Variants in MACROD1 observed in about 807,000 individuals in gnomAD.
MACROD1 encodes the protein mono-ADP ribosylhydrolase 1.
MACROD1 carries 31 observed loss-of-function variants against 41.4 expected under a neutral mutation model. The observed-to-expected ratio is 0.75, with a 90% confidence interval of 0.56 to 1.01. MACROD1 has a LOEUF of 1.01. Among genes scored for constraint, MACROD1 ranks in the 50% least tolerant of loss-of-function variants. The probability of loss-of-function intolerance (pLI) is 0.00; values close to 1 mark genes in which losing one functional copy is unlikely to be tolerated. For synonymous variants in MACROD1, 252 were observed against 203.4 expected, an observed-to-expected ratio of 1.24 and a Z score of -2.03; for missense variants, 473 against 460.0, an observed-to-expected ratio of 1.03 and a Z score of -0.26.
chr11:64,091,139 T>G (rs1423240144), intron 3 of MACROD1, among the ~76,000 whole-genome samples: 22 of 64,062 alleles, frequency 3.4e-4, no homozygotes, highest in African/African-American at 7.0e-4. Flanking sequence ...GGAGGGGGCA[T>G]GGGAGGAGGA....
chr11:64,018,670 C>T (rs1301627256), intron 3 of MACROD1, among the ~76,000 whole-genome samples: 1 of 152,198 alleles, frequency 6.6e-6, no homozygotes, highest in Non-Finnish European at 1.5e-5. Context: ...CCTCTAAGTC[C>T]CCTCTCTACT....
intron 4 of MACROD1, among the ~76,000 whole-genome samples, chr11:64,005,324 G>A (rs142719558): frequency 2.6e-5 from 4 of 152,330 alleles, no homozygotes; most frequent in East Asian, 1.9e-4. Flanking sequence ...CACCGCGCCC[G>A]GCCAAGACCC....
At chr11:64,084,092 C>G (rs1944350472) in intron 3 of MACROD1, among the ~76,000 whole-genome samples, 1 of 152,206 alleles carries the variant, frequency 6.6e-6, no homozygotes, top group Non-Finnish European at 1.5e-5. Context: ...ATCCTGCACA[C>G]GGGCCTGTGT....
At chr11:64,127,910 AC>A (rs1176549916) in intron 3 of MACROD1, among the ~76,000 whole-genome samples, 1 of 152,228 alleles carries the variant, frequency 6.6e-6, no homozygotes, top group Non-Finnish European at 1.5e-5. Flanking sequence ...ACAGGAAGGA[AC>A]AAAATTTCCA....
chr11:64,122,084 G>A lies in MACROD1; in HGVS notation c.517+29155C>T, dbSNP rs184583233. ...GGCCTCTTGTAAGCTCAGCTCAGGC[G>A]TGGGGCCCAATGTATGGAATGCTTA... On this transcript the variant is annotated intron_variant, in intron 3 of 10. Transcript: ENST00000255681. This position sits in a 1 kb window ranked among gnomAD's most constrained non-coding sequence, Gnocchi z 4.0. Among the ~76,000 whole-genome samples the A allele has an allele frequency of 5.1e-4, 77 of 152,278 alleles. No individual in the cohort carries two copies. Among genetic ancestry groups the A allele is most frequent in the Non-Finnish European group, 9.0e-4 (61 of 68,026 alleles).
intron 3 of MACROD1, chr11:64,138,384 G>T: frequency 6.1e-6 from 3 of 488,822 alleles, no homozygotes; most frequent in Middle Eastern, 1.1e-3. Context: ...AGGGGATTTA[G>T]CTCCTTTGAC....
At chr11:64,079,418 C>T (rs528387508) in intron 3 of MACROD1, among the ~76,000 whole-genome samples, 25 of 151,900 alleles carry the variant, frequency 1.6e-4, no homozygotes, top group African/African-American at 5.8e-4. Context: ...GGGGGGTGTG[C>T]GAAGACAGTG....
rs918851103 is a variant in MACROD1 at position 64,008,481 on chromosome 11, G to C, written c.547+6771C>G. Among the ~76,000 whole-genome samples, 89 of 151,484 alleles carry C rather than the reference G, an allele frequency of 5.9e-4. 1 individual carries two copies. The highest frequency in any genetic ancestry group is 5.8e-3 in the Admixed American group (88 of 15,208). On this transcript the variant is annotated intron_variant, in intron 4 of 10. Coordinates refer to ENST00000255681, the MANE Select transcript of MACROD1 (RefSeq NM_014067.4). The stretch of plus-strand genomic sequence containing the variant: ...GACCTTCACTAAATGCAGCAGTGGA[G>C]GGGGTGTCGGAGGGGCTGCCCTGAC...
intron 3 of MACROD1, among the ~76,000 whole-genome samples, chr11:64,094,889 T>A (rs1442572000): frequency 2.0e-5 from 3 of 152,202 alleles, no homozygotes; most frequent in African/African-American, 4.8e-5. Flanking sequence ...TTTCGCCGAA[T>A]GTCCCATCTG....
intron 1 of MACROD1, among the ~76,000 whole-genome samples, chr11:64,157,571 T>C (rs955224312): frequency 1.3e-5 from 2 of 152,186 alleles, no homozygotes; most frequent in African/African-American, 2.4e-5. Flanking sequence ...TGTAAAAAGA[T>C]GTCCGCAGTA....
At chr11:64,088,283 TG>T (rs1464546527) in intron 3 of MACROD1, among the ~76,000 whole-genome samples, 1 of 150,948 alleles carries the variant, frequency 6.6e-6, no homozygotes, top group African/African-American at 2.4e-5. Context: ...AGCCAGGAGA[TG>T]GGGGGACCTT....
chr11:64,047,949 C>T (rs1189947886), intron 3 of MACROD1, among the ~76,000 whole-genome samples: 2 of 151,698 alleles, frequency 1.3e-5, no homozygotes, highest in African/African-American at 2.4e-5. Flanking sequence ...CCCAGCCCTG[C>T]AGCAACTTCC....
chr11:64,027,995 T>G (rs1053266099), intron 3 of MACROD1, among the ~76,000 whole-genome samples: 30 of 152,294 alleles, frequency 2.0e-4, no homozygotes, highest in African/African-American at 7.0e-4. Flanking sequence ...GGAATCTAAG[T>G]CAGACACCAG....
chr11:64,152,287 C>A lies in MACROD1; in HGVS notation c.400+5G>T, dbSNP rs1261583788. The A allele has an allele frequency of 1.2e-6, 2 of 1,614,106 alleles. No homozygotes were observed. The highest frequency in any genetic ancestry group is 1.7e-6 in the Non-Finnish European group (2 of 1,179,908). ...CCACCAGGGCCTCCCCCGAGCAGGGCCTACCTTTCGCCATCTCCTTCCATG... is the reference window on the plus strand; with the variant it reads ...CCACCAGGGCCTCCCCCGAGCAGGGACTACCTTTCGCCATCTCCTTCCATG... On this transcript the variant is annotated splice_donor_5th_base_variant and intron_variant, in intron 2 of 10. Transcript: ENST00000255681.
intron 7 of MACROD1, 45 bp downstream of exon 7, chr11:63,999,485 G>C (rs1358966871): frequency 6.3e-7 from 1 of 1,582,158 alleles, no homozygotes; most frequent in Non-Finnish European, 8.6e-7. Flanking sequence ...CCCGGCGTCT[G>C]GGTCCACCGC....
chr11:64,159,503 T>C (rs1356117960), intron 1 of MACROD1, among the ~76,000 whole-genome samples: 1 of 120,304 alleles, frequency 8.3e-6, no homozygotes, highest in Non-Finnish European at 1.8e-5. Context: ...CTCAAATAAA[T>C]AAACAAACAG....
In MACROD1 at chr11:64,127,975, T is replaced by C. The variant is rs1395169916; in HGVS notation, c.517+23264A>G. On this transcript the variant is annotated intron_variant, in intron 3 of 10. Coordinates refer to ENST00000255681, the MANE Select transcript of MACROD1 (RefSeq NM_014067.4). ...TAACATAAAACAAGAACTCATTACT[T>C]CTGCCTGAGATCTGATTTCATGTCT... Among the ~76,000 whole-genome samples, 77 of 152,202 alleles carry C rather than the reference T, an allele frequency of 5.1e-4. 1 individual carries two copies. Among genetic ancestry groups the C allele is most frequent in the Non-Finnish European group, 1.6e-4 (11 of 68,026 alleles).
rs567647850 is a variant in MACROD1, at chr11:64,122,058, A to G, written c.517+29181T>C. On this transcript the variant is annotated intron_variant, in intron 3 of 10. Coordinates refer to ENST00000255681, the MANE Select transcript of MACROD1 (RefSeq NM_014067.4). This position sits in a 1 kb window ranked among gnomAD's most constrained non-coding sequence, Gnocchi z 4.0. ...GGGAATCATTTGCATTTTGCGAATG[A>G]GGCCTCTTGTAAGCTCAGCTCAGGC... Among the ~76,000 whole-genome samples, 2 of 152,276 alleles carry G rather than the reference A, an allele frequency of 1.3e-5. No individual in the cohort carries two copies. The highest frequency in any genetic ancestry group is 1.3e-4 in the Admixed American group (2 of 15,290).
At chr11:63,998,750 GT>G in intron 10 of MACROD1, 63 bp from the exon 11 acceptor site, 1 of 1,420,928 alleles carries the variant, frequency 7.0e-7, no homozygotes, top group Non-Finnish European at 9.2e-7. Context: ...CTGCCCCGTG[GT>G]TTCCCGCCCT....
Sources: gnomAD v4.1 joint callset for allele counts (sites outside exome capture counted in the v4.1 genomes callset) on GRCh38, gnomAD v4.1.1 for gene constraint, Gnocchi (gnomAD v3.1) non-coding constraint, MANE v1.5 for transcripts, NCBI Gene and HGNC (gene_info 2026-07-23, HGNC 2026-07-21) for gene names.